PIEZO1: variants seen among roughly 807,000 people sequenced by gnomAD.
PIEZO1 encodes the protein piezo-type mechanosensitive ion channel component 1.
A neutral mutation model predicts 297.2 loss-of-function variants in PIEZO1; 296 were observed. The observed-to-expected ratio is 1.00, with a 90% CI of 0.91 to 1.10. The LOEUF is 1.10. Among genes scored for constraint, PIEZO1 ranks in the 50% least tolerant of loss-of-function variants. The pLI is 0.00. For missense variants in PIEZO1, 5,018 were observed against 3,455.5 expected (o/e 1.45, Z -11.34); for synonymous variants, 2,427 against 1,507.5 (o/e 1.61, Z -14.13).
Position 88,723,228 on chromosome 16 carries a change from G to C in PIEZO1, c.4436C>G (p.Thr1479Arg), listed in dbSNP as rs894894890. The C allele has an allele frequency of 6.5e-7, 1 of 1,547,408 alleles. No individual in the cohort carries two copies. Among genetic ancestry groups the C allele is most frequent in the African/African-American group, 1.4e-5 (1 of 73,020 alleles). Residue 1479 changes from threonine to arginine, a missense_variant and splice_region_variant, in exon 32 of 51, where the codon ACA becomes AGA. Coordinates refer to ENST00000301015, the MANE Select transcript of PIEZO1 (RefSeq NM_001142864.4). Reference sequence around the variant, plus strand: ...AGTCCCCACGCCCCCCAGCTCACCTGTGGGTAGCTGTCCTGCCTGTTCCTG... The same window carrying C: ...AGTCCCCACGCCCCCCAGCTCACCTCTGGGTAGCTGTCCTGCCTGTTCCTG... ...ARQEQAGQLP[T>R]GGGPSQEVEP... is the part of the protein sequence containing the mutation.
rs1310557035 is a variant in PIEZO1, at chr16:88,715,870, G to C, written c.7317-16C>G. On this transcript the variant is annotated splice_polypyrimidine_tract_variant and intron_variant, in intron 50 of 50. Coordinates refer to ENST00000301015, the MANE Select transcript of PIEZO1 (RefSeq NM_001142864.4). ...CCCCATGATGCTGCGGGGGAAGCTG[G>C]TGAGTCCTGGGGCCGCCCGGAGCCC... The C allele has an allele frequency of 6.5e-7, 1 of 1,548,704 alleles. No individual in the cohort carries two copies. The highest frequency in any genetic ancestry group is 2.4e-5 in the East Asian group (1 of 40,896).
In PIEZO1 at chr16:88,785,030, G is replaced by A. The variant is rs1326678419; in HGVS notation, c.-66C>T. 3.3e-5 allele frequency: 33 copies of A among 1,012,472 alleles called. No individual in the cohort carries two copies. Among genetic ancestry groups the A allele is most frequent in the Admixed American group, 4.6e-5 (1 of 21,506 alleles). The allele number at this position is 1,012,472 out of a possible 1,614,324, so 62.7% of individuals were successfully genotyped here. Reference sequence around the variant, plus strand: ...CGCGGCGCTATGGGGCGGTGCGGGGGCCCCGGGGCCGGCGCGCCATGGCTG... The same window carrying A: ...CGCGGCGCTATGGGGCGGTGCGGGGACCCCGGGGCCGGCGCGCCATGGCTG... On this transcript the variant is annotated 5_prime_UTR_variant, in exon 1 of 51. Transcript: ENST00000301015.
chr16:88,725,405 G>C lies in PIEZO1; in HGVS notation c.4162+11C>G, dbSNP rs1812148499. 2.8e-6 allele frequency: 4 copies of C among 1,424,010 alleles called. No individual in the cohort carries two copies. Among genetic ancestry groups the C allele is most frequent in the Non-Finnish European group, 3.7e-6 (4 of 1,080,962 alleles). 88.2% of individuals were successfully genotyped at this position (1,424,010 alleles called of 1,614,324 possible). The stretch of plus-strand genomic sequence containing the variant: ...ACGGGGCCCTGGGTGCCCGACTCCA[G>C]CTGCACTCACCTGGCTCCAGGCCGG... On this transcript the variant is annotated intron_variant, in intron 29 of 50. Transcript: ENST00000301015.
intron 1 of PIEZO1, among the ~76,000 whole-genome samples, chr16:88,750,331 A>G (rs12934272): frequency 0.39 from 59,187 of 152,196 alleles, 12,979 homozygotes; most frequent in East Asian, 0.7. Flanking sequence ...GCGAGACTCC[A>G]TCTCAAAAAA....
Position 88,782,942 on chromosome 16 carries a change from C to T in PIEZO1, c.64+1959G>A, listed in dbSNP as rs547655904. Among the ~76,000 whole-genome samples the T allele has an allele frequency of 2.0e-5, 3 of 152,348 alleles. No individual in the cohort carries two copies. In the South Asian group the frequency reaches 6.2e-4, roughly 32 times the overall value. ...TGAGGCCCAGGCCCCACGCCCCATCCCCAGACACAGAATCAGTGTGGGGTA... is the reference window on the plus strand; with the variant it reads ...TGAGGCCCAGGCCCCACGCCCCATCTCCAGACACAGAATCAGTGTGGGGTA... On this transcript the variant is annotated intron_variant, in intron 1 of 50. Coordinates refer to ENST00000301015, the MANE Select transcript of PIEZO1 (RefSeq NM_001142864.4).
In PIEZO1 at chr16:88,721,442, G is replaced by T; in HGVS notation, c.5404-12C>A. ...CAGAGGCCATAGCACTGAGGGGCGG[G>T]AGGGTGTGGTGAGGGGGCCTTGCCT... is the stretch of plus-strand genomic sequence containing the variant. On this transcript the variant is annotated splice_polypyrimidine_tract_variant and intron_variant, in intron 38 of 50. Transcript: ENST00000301015. The T allele has an allele frequency of 6.5e-7, 1 of 1,543,810 alleles. No individual in the cohort carries two copies. Among genetic ancestry groups the T allele is most frequent in the Admixed American group, 2.0e-5 (1 of 50,734 alleles).
At chr16:88,727,452 C>T (rs1250323074) in intron 23 of PIEZO1, 105 bp downstream of exon 23, 7 of 639,058 alleles carry the variant, frequency 1.1e-5, no homozygotes, top group Non-Finnish European at 1.9e-5. Flanking sequence ...TGCCTGACCA[C>T]ACCTCCGCCC....
chr16:88,778,026 G>A (rs988705591), intron 1 of PIEZO1, among the ~76,000 whole-genome samples: 2 of 152,242 alleles, frequency 1.3e-5, no homozygotes, highest in Non-Finnish European at 2.9e-5. Flanking sequence ...CTGCGGGCCT[G>A]GGAATCTGTT....
At position 88,719,575 on chromosome 16, in the gene PIEZO1, T is replaced by C; in HGVS notation, c.6470A>G (p.Lys2157Arg). ...FIIKCSRETEKKYPQPKGQKK... is the reference protein window; with the variant it reads ...FIIKCSRETERKYPQPKGQKK... ...GGCCCCCGCCCTGGGCCCAGGCACC[T>C]TCTCTGTCTCTCGGCTGCATTTGAT... The change falls in exon 44 of 51, where the codon AAG becomes AGG. Residue 2157 changes from lysine (K) to arginine (R), a missense_variant and splice_region_variant. Coordinates refer to ENST00000301015, the MANE Select transcript of PIEZO1 (RefSeq NM_001142864.4). The C allele has an allele frequency of 1.3e-6, 2 of 1,550,524 alleles. No homozygotes were observed. The highest frequency in any genetic ancestry group is 4.9e-5 in the East Asian group (2 of 40,924).
At chr16:88,764,505 C>T (rs1211729422) in intron 1 of PIEZO1, among the ~76,000 whole-genome samples, 4 of 152,066 alleles carry the variant, frequency 2.6e-5, no homozygotes, top group Non-Finnish European at 5.9e-5. Context: ...GTAATGCCAA[C>T]ACTTTGGGAA....
chr16:88,731,490 AAG>A (rs1168693408), intron 22 of PIEZO1: 1 of 574,598 alleles, frequency 1.7e-6, no homozygotes, highest in Non-Finnish European at 3.1e-6. Flanking sequence ...AAAAAAGGAA[AAG>A]AGAACAGCAG....
intron 2 of PIEZO1, among the ~76,000 whole-genome samples, chr16:88,746,649 T>G (rs1906073658): frequency 6.6e-6 from 1 of 152,058 alleles, no homozygotes; most frequent in African/African-American, 2.4e-5. Flanking sequence ...GCCTCACACT[T>G]TCCTCTCTCC....
intron 12 of PIEZO1, among the ~76,000 whole-genome samples, chr16:88,735,816 G>A (rs1020526387): frequency 3.3e-5 from 5 of 152,182 alleles, no homozygotes; most frequent in South Asian, 2.1e-4. Flanking sequence ...TGTCAGGGGC[G>A]CAGGGGTGGT....
intron 1 of PIEZO1, among the ~76,000 whole-genome samples, chr16:88,758,307 G>A (rs1906770647): frequency 6.6e-6 from 1 of 152,082 alleles, no homozygotes; most frequent in Non-Finnish European, 1.5e-5. Context: ...TGACCCTGTG[G>A]GCTTCCTGCC....
chr16:88,743,571 G>T (rs1238970971), intron 2 of PIEZO1: 5 of 456,574 alleles, frequency 1.1e-5, no homozygotes, highest in Non-Finnish European at 2.2e-5. Context: ...CAAACTCAGG[G>T]CCTGTGTCCA....
intron 44 of PIEZO1, chr16:88,717,536 C>T (rs1371762194): frequency 5.7e-6 from 3 of 522,222 alleles, no homozygotes; most frequent in Non-Finnish European, 7.4e-6. Context: ...CCAAAATTTA[C>T]CTCAAAGTGG....
At chr16:88,751,471 G>A (rs902370549) in intron 1 of PIEZO1, among the ~76,000 whole-genome samples, 10 of 152,196 alleles carry the variant, frequency 6.6e-5, no homozygotes, top group African/African-American at 2.2e-4. Context: ...CGGGCTCAAG[G>A]CGGCCTCGGC....
chr16:88,721,714 C>T lies in PIEZO1; in HGVS notation c.5227G>A (p.Val1743Ile), dbSNP rs1255770460. The change falls in exon 38 of 51, where the codon GTC (valine) becomes ATC (isoleucine). Residue 1743 changes from valine to isoleucine, a missense_variant. Transcript: ENST00000301015. ...AIVFTEIAVV[V>I]KYLFQFGFFP... ...AACCCAAACTGGAACAGGTACTTGA[C>T]GACCACCGCGATCTGTGGGGGAGGG... The T allele has an allele frequency of 2.2e-5, 34 of 1,542,206 alleles. No individual in the cohort carries two copies. Among genetic ancestry groups the T allele is most frequent in the East Asian group, 2.0e-4 (8 of 40,796 alleles).
chr16:88,765,661 A>C (rs1428434639), intron 1 of PIEZO1, among the ~76,000 whole-genome samples: 17 of 148,016 alleles, frequency 1.1e-4, no homozygotes, highest in African/African-American at 3.8e-4. Context: ...CCAAGTCGTT[A>C]TCTCTAATTT....
Sources: gnomAD v4.1 joint callset for allele counts (sites outside exome capture counted in the v4.1 genomes callset) on GRCh38, gnomAD v4.1.1 for gene constraint, MANE v1.5 for transcripts, NCBI Gene and HGNC (gene_info 2026-07-23, HGNC 2026-07-21) for gene names.